Variants in AGBL4 observed in about 807,000 individuals in gnomAD.
AGBL4 encodes cytosolic carboxypeptidase 6.
A neutral mutation model predicts 66.4 loss-of-function variants in AGBL4; 58 were observed. The observed-to-expected ratio is 0.87, with a 90% CI of 0.71 to 1.09. The LOEUF (loss-of-function observed/expected upper bound fraction) is 1.09, where lower values mean the gene tolerates loss of function less well. Among genes scored for constraint, AGBL4 ranks in the 50% least tolerant of loss-of-function variants. AGBL4 has a pLI of 0.00. For synonymous variants in AGBL4, 234 were observed against 222.9 expected (o/e 1.05, Z -0.44); for missense variants, 579 against 631.0 (o/e 0.92, Z 0.88).
intron 6 of AGBL4, among the ~76,000 whole-genome samples, chr1:48,701,534 G>A (rs1246528377): frequency 6.6e-6 from 1 of 151,646 alleles, no homozygotes; most frequent in Non-Finnish European, 1.5e-5. Flanking sequence ...GTTCACAGGT[G>A]CCATCATGGC....
intron 1 of AGBL4, among the ~76,000 whole-genome samples, chr1:49,876,914 G>T (rs1293391950): frequency 6.6e-6 from 1 of 150,930 alleles, no homozygotes; most frequent in Non-Finnish European, 1.5e-5. Context: ...TATTCTCTTT[G>T]AAGCAATTGT....
At chr1:49,659,344 C>T (rs1646221595) in intron 3 of AGBL4, among the ~76,000 whole-genome samples, 1 of 152,044 alleles carries the variant, frequency 6.6e-6, no homozygotes, top group African/African-American at 2.4e-5. Flanking sequence ...GGGTTAAATG[C>T]CCCAATTAAA....
intron 5 of AGBL4, among the ~76,000 whole-genome samples, chr1:49,000,124 C>G (rs1376590484): frequency 6.6e-6 from 1 of 152,104 alleles, no homozygotes; most frequent in Admixed American, 6.6e-5. Flanking sequence ...CTTTAATGTG[C>G]TGCAAGTAGG....
At chr1:49,950,821 T>C (rs901945276) in intron 1 of AGBL4, among the ~76,000 whole-genome samples, 8 of 151,728 alleles carry the variant, frequency 5.3e-5, no homozygotes, top group East Asian at 1.9e-4. Context: ...AGTCAAAATA[T>C]GGAATCAACC....
rs557776678 is a variant in AGBL4 at position 49,948,098 on chromosome 1, G to GTATA, written c.34+75661_34+75664dup. On this transcript the variant is annotated intron_variant, in intron 1 of 13. Coordinates refer to ENST00000371839, the MANE Select transcript of AGBL4 (RefSeq NM_032785.4). ...TAAATATATGTAAATATATGTATATGTATATATATGTAAATGTATGTAAAT... is the reference window on the plus strand; with the variant it reads ...TAAATATATGTAAATATATGTATATGTATATATATATATGTAAATGTATGTAAAT... Among the ~76,000 whole-genome samples the GTATA allele has an allele frequency of 4.9e-4, 43 of 87,610 alleles. 1 individual carries two copies. The highest frequency in any genetic ancestry group is 7.4e-4 in the Admixed American group (4 of 5,392). The allele number at this position is 87,610 out of a possible 152,430, so 57.5% of individuals were successfully genotyped here. A position where few individuals can be genotyped will look rare whatever the true frequency, so the allele number is the denominator to read the frequency against.
At chr1:49,556,701 G>A (rs2103266) in intron 3 of AGBL4, among the ~76,000 whole-genome samples, 79,487 of 151,746 alleles carry the variant, frequency 0.52, 22,213 homozygotes, top group Non-Finnish European at 0.62. Context: ...TCCAGTGCTA[G>A]GTGCCGGCAC....
intron 4 of AGBL4, among the ~76,000 whole-genome samples, chr1:49,085,207 C>T (rs1557627912): frequency 6.6e-6 from 1 of 152,008 alleles, no homozygotes; most frequent in Non-Finnish European, 1.5e-5. Context: ...TCCATCTCCT[C>T]CTGCCTTGGA....
chr1:49,588,501 C>T (rs1644693292), intron 3 of AGBL4, among the ~76,000 whole-genome samples: 1 of 152,162 alleles, frequency 6.6e-6, no homozygotes, highest in Non-Finnish European at 1.5e-5. Context: ...TAAGAATGCT[C>T]TTCTGCCTGA....
At chr1:49,966,188 T>A (rs1157702227) in intron 1 of AGBL4, among the ~76,000 whole-genome samples, 3 of 152,080 alleles carry the variant, frequency 2.0e-5, no homozygotes. Flanking sequence ...GTGATCTGCC[T>A]GCCTCAGCCT....
intron 1 of AGBL4, among the ~76,000 whole-genome samples, chr1:49,900,208 G>T (rs1442742614): frequency 4.6e-5 from 7 of 151,720 alleles, no homozygotes; most frequent in African/African-American, 1.7e-4. Flanking sequence ...TGTCAAGAGG[G>T]TTTTTTCTGT....
intron 3 of AGBL4, among the ~76,000 whole-genome samples, chr1:49,470,233 A>G (rs1270599983): frequency 6.6e-6 from 1 of 151,946 alleles, no homozygotes; most frequent in Non-Finnish European, 1.5e-5. Flanking sequence ...TATTAAAACA[A>G]TATCTATATC....
chr1:49,251,624 A>T (rs560245203), intron 3 of AGBL4, among the ~76,000 whole-genome samples: 1 of 152,170 alleles, frequency 6.6e-6, no homozygotes, highest in East Asian at 1.9e-4. Flanking sequence ...CACAAACTTC[A>T]TTGCCTTGTC....
intron 4 of AGBL4, among the ~76,000 whole-genome samples, chr1:49,237,266 A>G (rs1025456909): frequency 6.6e-6 from 1 of 151,022 alleles, no homozygotes; most frequent in Non-Finnish European, 1.5e-5. Flanking sequence ...ACGTCTAAAA[A>G]AAACTAAAAA....
intron 1 of AGBL4, among the ~76,000 whole-genome samples, chr1:49,966,284 T>A (rs988911600): frequency 2.6e-5 from 4 of 152,164 alleles, no homozygotes; most frequent in African/African-American, 7.2e-5. Flanking sequence ...TTCCTTTTTT[T>A]AATTTCTAAG....
At chr1:49,577,113 G>C (rs1045140910) in intron 3 of AGBL4, among the ~76,000 whole-genome samples, 1 of 152,200 alleles carries the variant, frequency 6.6e-6, no homozygotes, top group Admixed American at 6.5e-5. Context: ...AAGAAATTTG[G>C]GGACAAGGTA....
intron 3 of AGBL4, among the ~76,000 whole-genome samples, chr1:49,521,627 C>G (rs903729714): frequency 6.6e-6 from 1 of 151,858 alleles, no homozygotes; most frequent in African/African-American, 2.4e-5. Flanking sequence ...AAAAATGGAC[C>G]CCTATCTTTT....
At chr1:48,911,640 T>C (rs946703398) in intron 5 of AGBL4, among the ~76,000 whole-genome samples, 1 of 142,030 alleles carries the variant, frequency 7.0e-6, no homozygotes, top group Non-Finnish European at 1.5e-5. Context: ...AAAAAAAAAA[T>C]CATAAGGACC....
chr1:49,825,976 C>T (rs1265739003), intron 2 of AGBL4, among the ~76,000 whole-genome samples: 1 of 151,932 alleles, frequency 6.6e-6, no homozygotes, highest in East Asian at 1.9e-4. Context: ...AACTTACAAC[C>T]AGAACTGTTT....
chr1:48,924,878 A>C (rs541009154), intron 5 of AGBL4, among the ~76,000 whole-genome samples: 1 of 152,246 alleles, frequency 6.6e-6, no homozygotes, highest in Non-Finnish European at 1.5e-5. Context: ...ATACAACAAA[A>C]TAAAATTTTA....
Sources: gnomAD v4.1 joint callset for allele counts (sites outside exome capture counted in the v4.1 genomes callset) on GRCh38, gnomAD v4.1.1 for gene constraint, MANE v1.5 for transcripts, NCBI Gene and HGNC (gene_info 2026-07-23, HGNC 2026-07-21) for gene names.